The following CNTNAP2 variants were observed in gnomAD, a reference collection of about 807,000 sequenced individuals.
CNTNAP2 encodes the protein contactin associated protein 2.
CNTNAP2 carries 98 observed loss-of-function variants against 155.2 expected under a neutral mutation model. The observed-to-expected ratio is 0.63, with a 90% CI of 0.54 to 0.75. The LOEUF (loss-of-function observed/expected upper bound fraction) is 0.75, where lower values mean the gene tolerates loss of function less well. Among genes scored for constraint, CNTNAP2 ranks in the 30% least tolerant of loss-of-function variants. The pLI is 0.00. For missense variants in CNTNAP2, 1,727 were observed against 1,688.1 expected (o/e 1.02, Z -0.40); for synonymous variants, 651 against 631.2 (o/e 1.03, Z -0.47).
At chr7:147,734,665 A>G (rs984991698) in intron 13 of CNTNAP2, among the ~76,000 whole-genome samples, 1 of 152,092 alleles carries the variant, frequency 6.6e-6, no homozygotes, top group Non-Finnish European at 1.5e-5. Context: ...TTTGGTTGGT[A>G]AGCTATTAAT....
chr7:148,053,454 T>G (rs1802931661), intron 15 of CNTNAP2, among the ~76,000 whole-genome samples: 1 of 152,218 alleles, frequency 6.6e-6, no homozygotes, highest in Non-Finnish European at 1.5e-5. Flanking sequence ...AAATCTTAAT[T>G]TTCTTCTCAG....
chr7:146,637,515 T>C (rs1050724955), intron 1 of CNTNAP2, among the ~76,000 whole-genome samples: 2 of 152,358 alleles, frequency 1.3e-5, no homozygotes, highest in East Asian at 1.9e-4. Flanking sequence ...TCAATAGTTA[T>C]GTGCTTTTCT....
At chr7:146,563,317 A>T (rs1798309084) in intron 1 of CNTNAP2, among the ~76,000 whole-genome samples, 2 of 152,088 alleles carry the variant, frequency 1.3e-5, no homozygotes, top group Admixed American at 1.3e-4. Flanking sequence ...TTTAAGGCTA[A>T]CTGAGAGCCA....
intron 8 of CNTNAP2, among the ~76,000 whole-genome samples, chr7:147,157,337 T>G (rs1370806178): frequency 5.9e-5 from 9 of 152,112 alleles, no homozygotes; most frequent in Non-Finnish European, 1.5e-5. Flanking sequence ...AATTTTGATG[T>G]GAATATTGTA....
At chr7:146,666,165 GCCTCTAGTGT>G (rs1366610280) in intron 1 of CNTNAP2, among the ~76,000 whole-genome samples, 4 of 151,980 alleles carry the variant, frequency 2.6e-5, no homozygotes, top group African/African-American at 9.6e-5. Flanking sequence ...ACCCTTTCCA[GCCTCTAGTGT>G]CTTCTATTAT....
chr7:146,479,536 C>A (rs1230974173), intron 1 of CNTNAP2, among the ~76,000 whole-genome samples: 1 of 151,818 alleles, frequency 6.6e-6, no homozygotes, highest in African/African-American at 2.4e-5. Context: ...TGAGATTATT[C>A]TTATGCTAAA....
chr7:148,006,916 T>C (rs369417317), intron 15 of CNTNAP2, among the ~76,000 whole-genome samples: 1 of 152,196 alleles, frequency 6.6e-6, no homozygotes, highest in South Asian at 2.1e-4. Flanking sequence ...TGGGAATATA[T>C]AGAACATTCT....
intron 4 of CNTNAP2, among the ~76,000 whole-genome samples, chr7:147,073,412 C>T (rs907276968): frequency 6.6e-6 from 1 of 151,658 alleles, no homozygotes; most frequent in African/African-American, 2.4e-5. Context: ...AGTGCCTTTA[C>T]GGCATCTACA....
At chr7:147,136,722 AT>A in intron 8 of CNTNAP2, among the ~76,000 whole-genome samples, 1 of 151,982 alleles carries the variant, frequency 6.6e-6, no homozygotes, top group East Asian at 1.9e-4. Context: ...TAAAAAATTA[AT>A]TTATACCGTT....
intron 13 of CNTNAP2, among the ~76,000 whole-genome samples, chr7:147,882,765 AGAC>A (rs1384599468): frequency 1.9e-5 from 2 of 107,992 alleles, no homozygotes; most frequent in Non-Finnish European, 3.9e-5. Flanking sequence ...AACCTAAAGA[AGAC>A]AGACAGGACA....
chr7:146,226,447 C>T (rs1448417064), intron 1 of CNTNAP2, among the ~76,000 whole-genome samples: 1 of 152,012 alleles, frequency 6.6e-6, no homozygotes, highest in African/African-American at 2.4e-5. Flanking sequence ...TCCGTTGAGC[C>T]CAGGAGTTCA....
chr7:147,728,738 G>A (rs528274695), intron 13 of CNTNAP2, among the ~76,000 whole-genome samples: 2 of 152,054 alleles, frequency 1.3e-5, no homozygotes, highest in South Asian at 4.1e-4. Context: ...AAATTGATTG[G>A]ACTCATTCAC....
chr7:148,054,247 C>A (rs2710129), intron 15 of CNTNAP2, among the ~76,000 whole-genome samples: 2,242 of 152,218 alleles, frequency 0.015, 56 homozygotes, highest in African/African-American at 0.052. Context: ...GCTGGGATTA[C>A]AGGCGTGAGC....
intron 13 of CNTNAP2, among the ~76,000 whole-genome samples, chr7:147,899,905 A>T (rs904282329): frequency 7.2e-6 from 1 of 139,188 alleles, no homozygotes; most frequent in Non-Finnish European, 1.6e-5. Flanking sequence ...AAAAAAAAAA[A>T]GAAAGAAAGA....
At chr7:147,945,635 C>G (rs1800806615) in intron 14 of CNTNAP2, among the ~76,000 whole-genome samples, 1 of 151,480 alleles carries the variant, frequency 6.6e-6, no homozygotes, top group Non-Finnish European at 1.5e-5. Flanking sequence ...TACAACACCT[C>G]GAAGGGCAGT....
chr7:146,240,052 A>C (rs1346187384), intron 1 of CNTNAP2, among the ~76,000 whole-genome samples: 1 of 152,240 alleles, frequency 6.6e-6, no homozygotes, highest in Non-Finnish European at 1.5e-5. Flanking sequence ...CATTTTATCC[A>C]TTGTAATAAA....
chr7:147,324,333 G>A (rs1795411763), intron 9 of CNTNAP2, among the ~76,000 whole-genome samples: 1 of 152,118 alleles, frequency 6.6e-6, no homozygotes. Context: ...AAAACTATTA[G>A]AAATGTTTAT....
chr7:146,612,420 A>G (rs1447389177), intron 1 of CNTNAP2, among the ~76,000 whole-genome samples: 1 of 152,178 alleles, frequency 6.6e-6, no homozygotes, highest in Non-Finnish European at 1.5e-5. Context: ...TGAAAATTCT[A>G]AATTGTTACT....
chr7:147,181,521 C>T (rs1002963315), intron 8 of CNTNAP2, among the ~76,000 whole-genome samples: 3 of 152,124 alleles, frequency 2.0e-5, no homozygotes, highest in Non-Finnish European at 4.4e-5. Context: ...TGTAAACTTT[C>T]ATAACCTATC....
Sources: allele counts gnomAD v4.1 joint callset (sites outside exome capture counted in the v4.1 genomes callset), GRCh38; gene constraint gnomAD v4.1.1; transcripts MANE v1.5; gene names NCBI Gene and HGNC (gene_info 2026-07-23, HGNC 2026-07-21).